The following MIPOL1 variants were observed in gnomAD, a reference collection of about 807,000 sequenced individuals.
MIPOL1 encodes mirror-image polydactyly 1.
In MIPOL1, 57 loss-of-function variants were observed where a neutral mutation model predicts 60.9. The observed-to-expected ratio is 0.94, with a 90% CI of 0.76 to 1.17. MIPOL1 has a LOEUF of 1.17. MIPOL1 is among the 50% of genes most tolerant of loss of function. The pLI, the probability that MIPOL1 is intolerant of heterozygous loss-of-function variation, is 0.00. For synonymous variants in MIPOL1, 179 were observed against 168.8 expected (o/e 1.06, Z -0.47); for missense variants, 551 against 511.6 (o/e 1.08, Z -0.74).
chr14:37,527,006 A>G (rs2095451965), intron 12 of MIPOL1, among the ~76,000 whole-genome samples: 1 of 152,170 alleles, frequency 6.6e-6, no homozygotes, highest in Non-Finnish European at 1.5e-5. Flanking sequence ...TTATTTTATT[A>G]GGAATAAGAT....
chr14:37,286,608 G>A (rs562355315), intron 7 of MIPOL1, among the ~76,000 whole-genome samples: 3 of 152,188 alleles, frequency 2.0e-5, no homozygotes, highest in African/African-American at 7.2e-5. Flanking sequence ...ACAGAGTAAA[G>A]TACTAATTAA....
chr14:37,497,702 A>G (rs2095153276), intron 11 of MIPOL1, among the ~76,000 whole-genome samples: 1 of 152,196 alleles, frequency 6.6e-6, no homozygotes, highest in South Asian at 2.1e-4. Context: ...CACATACATA[A>G]GACAATACGA....
chr14:37,514,448 TAGA>T (rs1177021551), intron 12 of MIPOL1, among the ~76,000 whole-genome samples: 1 of 152,190 alleles, frequency 6.6e-6, no homozygotes, highest in Admixed American at 6.5e-5. Flanking sequence ...GTTAGATTTT[TAGA>T]AGTTTTGGTC....
At chr14:37,292,384 A>C (rs1179740042) in intron 7 of MIPOL1, among the ~76,000 whole-genome samples, 1 of 150,418 alleles carries the variant, frequency 6.6e-6, no homozygotes, top group Admixed American at 6.6e-5. Context: ...ATTTCTTTGC[A>C]TCTTGCTCAT....
chr14:37,325,511 T>C (rs1036759408), intron 9 of MIPOL1, among the ~76,000 whole-genome samples: 2 of 151,888 alleles, frequency 1.3e-5, no homozygotes, highest in Admixed American at 6.6e-5. Flanking sequence ...TCTCCTTTTC[T>C]TTCTTTCCTT....
intron 9 of MIPOL1, among the ~76,000 whole-genome samples, chr14:37,327,887 A>G (rs1438027848): frequency 6.6e-6 from 1 of 152,236 alleles, no homozygotes; most frequent in Non-Finnish European, 1.5e-5. Context: ...CCTAAGAGCA[A>G]GATACAGTAC....
intron 12 of MIPOL1, among the ~76,000 whole-genome samples, chr14:37,544,285 G>A (rs980017034): frequency 1.3e-5 from 2 of 152,302 alleles, no homozygotes; most frequent in African/African-American, 4.8e-5. Context: ...GACTGAGAGA[G>A]GGCAAGATCT....
downstream of MIPOL1, chr14:37,552,125 G>A (rs540870152): frequency 6.6e-6 from 1 of 152,128 alleles, no homozygotes; most frequent in Admixed American, 6.5e-5. Flanking sequence ...GACTAAAAGA[G>A]GAATGGAGTG....
At chr14:37,420,970 A>C (rs1388262773) in intron 10 of MIPOL1, among the ~76,000 whole-genome samples, 1 of 152,172 alleles carries the variant, frequency 6.6e-6, no homozygotes, top group Non-Finnish European at 1.5e-5. Context: ...AATAGCTTTG[A>C]ACATAATCAC....
intron 3 of MIPOL1, among the ~76,000 whole-genome samples, chr14:37,255,965 A>G (rs1354729008): frequency 3.3e-5 from 5 of 151,834 alleles, no homozygotes; most frequent in South Asian, 2.1e-4. Flanking sequence ...ATAAAATTAT[A>G]CTTGTGTAGA....
intron 1 of MIPOL1, among the ~76,000 whole-genome samples, chr14:37,225,501 C>G (rs1012393295): frequency 6.6e-6 from 1 of 152,212 alleles, no homozygotes; most frequent in Non-Finnish European, 1.5e-5. Flanking sequence ...CTTGCACCCT[C>G]TGAAGCCATG....
chr14:37,511,219 C>T (rs577281680), intron 12 of MIPOL1, among the ~76,000 whole-genome samples: 1 of 152,258 alleles, frequency 6.6e-6, no homozygotes, highest in South Asian at 2.1e-4. Flanking sequence ...TCAGTGCATG[C>T]CATACCTCAT....
intron 1 of MIPOL1, among the ~76,000 whole-genome samples, chr14:37,222,492 C>T (rs1412802157): frequency 1.3e-5 from 2 of 150,394 alleles, no homozygotes; most frequent in African/African-American, 4.9e-5. Context: ...TTAGAAATTT[C>T]TTCTGCCAGA....
intron 9 of MIPOL1, among the ~76,000 whole-genome samples, chr14:37,366,247 GTTGT>G (rs972646720): frequency 6.6e-6 from 1 of 151,672 alleles, no homozygotes; most frequent in African/African-American, 2.4e-5. Flanking sequence ...GCATTGTTAG[GTTGT>G]TTGTTTGAGT....
At chr14:37,404,822 C>T (rs556519002) in intron 10 of MIPOL1, among the ~76,000 whole-genome samples, 1 of 152,282 alleles carries the variant, frequency 6.6e-6, no homozygotes, top group East Asian at 1.9e-4. Context: ...TCTTACCCAG[C>T]TGTTGACTAA....
chr14:37,210,972 A>G (rs1343024726), intron 1 of MIPOL1, among the ~76,000 whole-genome samples: 1 of 152,228 alleles, frequency 6.6e-6, no homozygotes, highest in Non-Finnish European at 1.5e-5. Flanking sequence ...CTATAAACTA[A>G]ATTTCTCCTA....
chr14:37,450,054 C>G (rs1401162958), intron 11 of MIPOL1, among the ~76,000 whole-genome samples: 2 of 152,196 alleles, frequency 1.3e-5, no homozygotes, highest in Non-Finnish European at 2.9e-5. Flanking sequence ...ATCAACTGAT[C>G]TGCCAGCCTT....
intron 11 of MIPOL1, among the ~76,000 whole-genome samples, chr14:37,434,927 C>T (rs899932916): frequency 6.6e-6 from 1 of 151,862 alleles, no homozygotes; most frequent in Middle Eastern, 3.2e-3. Flanking sequence ...TTACCGTAGC[C>T]TAGCCAAGTT....
intron 12 of MIPOL1, among the ~76,000 whole-genome samples, chr14:37,534,412 T>G (rs1006464678): frequency 1.3e-5 from 2 of 152,182 alleles, no homozygotes; most frequent in African/African-American, 4.8e-5. Flanking sequence ...TGAAACCTAC[T>G]TTTAGGAGGT....
Sources: gnomAD v4.1 joint callset for allele counts (sites outside exome capture counted in the v4.1 genomes callset) on GRCh38, gnomAD v4.1.1 for gene constraint, MANE v1.5 for transcripts, NCBI Gene and HGNC (gene_info 2026-07-23, HGNC 2026-07-21) for gene names.